The following SPTLC3 variants were observed in gnomAD, a reference collection of about 807,000 sequenced individuals.
SPTLC3 encodes serine palmitoyltransferase long chain base subunit 3.
A neutral mutation model predicts 59.3 loss-of-function variants in SPTLC3; 36 were observed. The observed-to-expected ratio is 0.61, with a 90% CI of 0.47 to 0.80. The LOEUF is 0.80. SPTLC3 is among the 30% of genes least tolerant of loss of function. The pLI is 0.00. For missense variants in SPTLC3, 625 were observed against 685.1 expected (o/e 0.91, Z 0.98); for synonymous variants, 257 against 240.8 (o/e 1.07, Z -0.62).
At chr20:13,021,621 G>A (rs192654744) in intron 1 of SPTLC3, among the ~76,000 whole-genome samples, 7 of 123,344 alleles carry the variant, frequency 5.7e-5, no homozygotes, top group East Asian at 2.8e-4. Flanking sequence ...ATCCCTGCAC[G>A]TCTCAAGTTA....
rs191903828 is a variant in SPTLC3, at chr20:13,117,432, G to A, written c.933-74G>A. The A allele has an allele frequency of 6.9e-4, 946 of 1,373,034 alleles. 5 individuals carry two copies. The African/African-American group carries it at 0.012, about 18-fold the overall frequency. The allele number at this position is 1,373,034 out of a possible 1,614,324, so 85.1% of individuals were successfully genotyped here. On this transcript the variant is annotated intron_variant, in intron 7 of 11. Transcript: ENST00000399002. ...TGTGTCAGGGAAGACTGTCTAGGAT[G>A]TATTGATGGGGAAACTGACAGAGCT...
intron 1 of SPTLC3, among the ~76,000 whole-genome samples, chr20:13,015,573 A>G (rs1230074540): frequency 1.3e-5 from 2 of 152,224 alleles, no homozygotes; most frequent in Admixed American, 6.5e-5. Flanking sequence ...ATTCTGCCTA[A>G]GTTAACCTAT....
At chr20:13,123,770 T>C (rs2037922749) in intron 8 of SPTLC3, among the ~76,000 whole-genome samples, 1 of 152,130 alleles carries the variant, frequency 6.6e-6, no homozygotes, top group African/African-American at 2.4e-5. Flanking sequence ...TCCCCATCCC[T>C]CATGGCCAGA....
chr20:13,056,448 AC>A (rs1987727327), intron 2 of SPTLC3, among the ~76,000 whole-genome samples: 7 of 91,244 alleles, frequency 7.7e-5, no homozygotes, highest in Non-Finnish European at 1.3e-4. Flanking sequence ...TGACGCTTTA[AC>A]TTTTTTTCTT....
At chr20:13,061,509 G>T (rs1987973861) in intron 2 of SPTLC3, among the ~76,000 whole-genome samples, 1 of 152,112 alleles carries the variant, frequency 6.6e-6, no homozygotes, top group African/African-American at 2.4e-5. Flanking sequence ...ACAGTCATCA[G>T]CAGTCATTCA....
At chr20:13,018,465 A>G (rs1985662614) in intron 1 of SPTLC3, among the ~76,000 whole-genome samples, 1 of 152,204 alleles carries the variant, frequency 6.6e-6, no homozygotes, top group Non-Finnish European at 1.5e-5. Flanking sequence ...TAAAAGCCAA[A>G]CACAATGAAC....
intron 2 of SPTLC3, among the ~76,000 whole-genome samples, chr20:13,057,219 T>C (rs1437317518): frequency 6.6e-6 from 1 of 152,158 alleles, no homozygotes; most frequent in African/African-American, 2.4e-5. Flanking sequence ...AAAAGCTGGT[T>C]CCTAGGAGTG....
intron 8 of SPTLC3, among the ~76,000 whole-genome samples, chr20:13,126,208 T>G (rs1368083396): frequency 6.6e-6 from 1 of 152,176 alleles, no homozygotes; most frequent in African/African-American, 2.4e-5. Flanking sequence ...GGCACAATCA[T>G]ATGTAATATT....
intron 6 of SPTLC3, among the ~76,000 whole-genome samples, chr20:13,107,452 G>T (rs777845355): frequency 2.8e-4 from 43 of 152,186 alleles, no homozygotes; most frequent in Non-Finnish European, 1.0e-4. Context: ...ATAAGTGTGT[G>T]TTGAATTGTG....
intron 1 of SPTLC3, among the ~76,000 whole-genome samples, chr20:13,011,081 T>A (rs1437291139): frequency 6.6e-6 from 1 of 152,132 alleles, no homozygotes; most frequent in African/African-American, 2.4e-5. Context: ...TAAGCTACAA[T>A]TGGCTTTCAT....
Position 13,168,077 on chromosome 20 carries a change from T to C in SPTLC3, c.*3210T>C, listed in dbSNP as rs2039005880. ...AAATTGATCCAATATTGAAGAACCA[T>C]CTGCGATTCATTTGGGTAAAATTAT... is the stretch of plus-strand genomic sequence containing the variant. On this transcript the variant is annotated 3_prime_UTR_variant, in exon 12 of 12. Transcript: ENST00000399002. 6.6e-6 allele frequency: 1 copy of C among 152,210 alleles called. No individual in the cohort carries two copies. The highest frequency in any genetic ancestry group is 1.5e-5 in the Non-Finnish European group (1 of 68,042). 9.4% of individuals were successfully genotyped at this position (152,210 alleles called of 1,614,324 possible). A position where few individuals can be genotyped will look rare whatever the true frequency, so the allele number is the denominator to read the frequency against.
intron 6 of SPTLC3, among the ~76,000 whole-genome samples, chr20:13,094,507 C>T (rs1336685530): frequency 6.6e-6 from 1 of 152,096 alleles, no homozygotes; most frequent in African/African-American, 2.4e-5. Context: ...TTTCCCTGTT[C>T]CTCTTTCCTA....
chr20:13,052,827 A>C (rs1987553497), intron 2 of SPTLC3, among the ~76,000 whole-genome samples: 2 of 152,284 alleles, frequency 1.3e-5, no homozygotes, highest in South Asian at 4.2e-4. Context: ...CGCTGTAGCC[A>C]GACTGCCACT....
chr20:13,048,626 T>A (rs1431435), intron 1 of SPTLC3, among the ~76,000 whole-genome samples: 2 of 152,222 alleles, frequency 1.3e-5, no homozygotes, highest in Admixed American at 6.5e-5. Flanking sequence ...CTGGTTAAAG[T>A]AACGACCCCA....
At chr20:13,104,331 G>A (rs1989749868) in intron 6 of SPTLC3, among the ~76,000 whole-genome samples, 1 of 152,110 alleles carries the variant, frequency 6.6e-6, no homozygotes, top group Non-Finnish European at 1.5e-5. Flanking sequence ...TGAATTATGG[G>A]GGCGGTTCCC....
intron 1 of SPTLC3, among the ~76,000 whole-genome samples, chr20:13,037,288 T>G (rs1426520446): frequency 6.6e-6 from 1 of 152,220 alleles, no homozygotes; most frequent in African/African-American, 2.4e-5. Flanking sequence ...ATGGCTATCT[T>G]GGACTAATTA....
chr20:13,157,414 G>A (rs911150252), intron 10 of SPTLC3, among the ~76,000 whole-genome samples: 11 of 151,984 alleles, frequency 7.2e-5, no homozygotes, highest in African/African-American at 2.2e-4. Flanking sequence ...TCCAGCCTGG[G>A]CAACAAGAGT....
intron 4 of SPTLC3, among the ~76,000 whole-genome samples, chr20:13,085,259 C>T (rs1375162163): frequency 1.3e-5 from 2 of 152,098 alleles, no homozygotes; most frequent in Admixed American, 6.6e-5. Context: ...AACAAACTCA[C>T]TCAAAAAGCA....
chr20:13,093,652 G>T, intron 6 of SPTLC3, 75 bp downstream of exon 6: 1 of 1,367,778 alleles, frequency 7.3e-7, no homozygotes, highest in Non-Finnish European at 1.0e-6. Flanking sequence ...ATGAGGCTTT[G>T]TTCTGCTCTT....
Sources: gnomAD v4.1 joint callset for allele counts (sites outside exome capture counted in the v4.1 genomes callset) on GRCh38, gnomAD v4.1.1 for gene constraint, MANE v1.5 for transcripts, NCBI Gene and HGNC (gene_info 2026-07-23, HGNC 2026-07-21) for gene names.